The following ITPR2 variants were observed in gnomAD, a reference collection of about 807,000 sequenced individuals.
ITPR2 encodes inositol 1,4,5-trisphosphate receptor type 2.
A neutral mutation model predicts 317.1 loss-of-function variants in ITPR2; 207 were observed. The observed-to-expected ratio is 0.65, with a 90% CI of 0.58 to 0.73. The LOEUF (loss-of-function observed/expected upper bound fraction) is 0.73, where lower values mean the gene tolerates loss of function less well. Ranked by LOEUF, ITPR2 falls within the 30% of genes least tolerant of loss-of-function variation. The probability of loss-of-function intolerance (pLI) is 0.00; values close to 1 mark genes in which losing one functional copy is unlikely to be tolerated. For synonymous variants in ITPR2, 1,156 were observed against 1,149.1 expected (o/e 1.01, Z -0.12); for missense variants, 2,613 against 3,284.0 (o/e 0.80, Z 4.99).
intron 49 of ITPR2, among the ~76,000 whole-genome samples, chr12:26,426,540 A>G (rs1350110351): frequency 6.6e-6 from 1 of 152,126 alleles, no homozygotes; most frequent in African/African-American, 2.4e-5. Context: ...CCCTCAAGAA[A>G]CTTACAGAAT....
chr12:26,619,335 C>T (rs1285946292), intron 26 of ITPR2, among the ~76,000 whole-genome samples: 1 of 152,166 alleles, frequency 6.6e-6, no homozygotes, highest in African/African-American at 2.4e-5. Context: ...CTGTTGGTTG[C>T]TAACCAACAT....
chr12:26,387,338 C>A (rs1939695959), intron 55 of ITPR2, 96 bp downstream of exon 55: 1 of 1,166,436 alleles, frequency 8.6e-7, no homozygotes, highest in East Asian at 2.4e-5. Flanking sequence ...AAAATGATTG[C>A]TACAATCTTC....
chr12:26,663,919 G>A, intron 14 of ITPR2, 73 bp from the exon 15 acceptor site: 2 of 1,320,674 alleles, frequency 1.5e-6, no homozygotes, highest in Non-Finnish European at 1.0e-6. Context: ...TAACAAATAA[G>A]AACATTGATT....
chr12:26,584,633 G>A (rs762631058), intron 32 of ITPR2, among the ~76,000 whole-genome samples: 2 of 152,182 alleles, frequency 1.3e-5, no homozygotes, highest in Non-Finnish European at 2.9e-5. Context: ...CTATATCTGT[G>A]ATGTCCAATA....
intron 55 of ITPR2, among the ~76,000 whole-genome samples, chr12:26,364,406 T>A (rs1938939515): frequency 6.6e-6 from 1 of 152,210 alleles, no homozygotes; most frequent in South Asian, 2.1e-4. Context: ...TTATACATAG[T>A]ATAAATGAAT....
At chr12:26,443,514 G>T (rs1941537081) in intron 46 of ITPR2, 29 bp downstream of exon 46, 1 of 1,520,292 alleles carries the variant, frequency 6.6e-7, no homozygotes, top group Admixed American at 1.7e-5. Flanking sequence ...TTCACAGTTG[G>T]TCTCTTTCAA....
intron 47 of ITPR2, among the ~76,000 whole-genome samples, chr12:26,437,400 G>C (rs1166723690): frequency 6.6e-6 from 1 of 152,172 alleles, no homozygotes; most frequent in Non-Finnish European, 1.5e-5. Context: ...TCTTGGAAGG[G>C]AACATTCCAA....
intron 21 of ITPR2, among the ~76,000 whole-genome samples, chr12:26,635,600 T>C (rs1946848061): frequency 6.6e-6 from 1 of 152,230 alleles, no homozygotes; most frequent in African/African-American, 2.4e-5. Flanking sequence ...CCAAAAACTA[T>C]TATTTTCCCT....
At chr12:26,462,986 C>G (rs1403155495) in intron 45 of ITPR2, among the ~76,000 whole-genome samples, 1 of 152,102 alleles carries the variant, frequency 6.6e-6, no homozygotes, top group Non-Finnish European at 1.5e-5. Flanking sequence ...GTTAAGCTTT[C>G]TTCGTTTATG....
intron 37 of ITPR2, among the ~76,000 whole-genome samples, chr12:26,532,573 G>C (rs1160443037): frequency 6.6e-6 from 1 of 152,190 alleles, no homozygotes. Flanking sequence ...TTTTTGTAAA[G>C]TGTTGGGATC....
chr12:26,560,225 T>A (rs565614237), intron 35 of ITPR2, among the ~76,000 whole-genome samples: 12 of 152,288 alleles, frequency 7.9e-5, no homozygotes, highest in East Asian at 3.9e-4. Context: ...CCTCCTCCTT[T>A]CTGACCCACT....
intron 45 of ITPR2, among the ~76,000 whole-genome samples, chr12:26,448,547 G>A (rs1388890953): frequency 7.2e-5 from 11 of 152,050 alleles, no homozygotes; most frequent in Non-Finnish European, 1.5e-4. Context: ...AGAAAAACTA[G>A]GCCTGAGATA....
rs563605835 is a variant in ITPR2, at chr12:26,368,706, CATTT to C, written c.7857+18724_7857+18727del. Among the ~76,000 whole-genome samples the C allele has an allele frequency of 6.3e-4, 96 of 152,306 alleles. 2 individuals carry two copies. In the South Asian group the frequency reaches 0.013, roughly 20 times the overall value. ...TATCATTACTTATTTCTTGTTCATT[CATTT>C]GTTTATTCAGTCATTTATTCATTCA... On this transcript the variant is annotated intron_variant, in intron 55 of 56. Coordinates refer to ENST00000381340, the MANE Select transcript of ITPR2 (RefSeq NM_002223.4).
rs376531799 is a variant in ITPR2 at position 26,600,117 on chromosome 12, T to G, written c.3679-8A>C. On this transcript the variant is annotated splice_region_variant and splice_polypyrimidine_tract_variant and intron_variant, in intron 28 of 56. Coordinates refer to ENST00000381340, the MANE Select transcript of ITPR2 (RefSeq NM_002223.4). ...ATTCATCTTTTCATCATTCTGTAAG[T>G]TAAAGAATAGCACATGATAGAAACA... The G allele has an allele frequency of 3.9e-5, 62 of 1,605,488 alleles. No homozygotes were observed. The highest frequency in any genetic ancestry group is 4.8e-5 in the Non-Finnish European group (56 of 1,174,530).
At chr12:26,566,367 AGAG>A (rs1469438500) in intron 34 of ITPR2, among the ~76,000 whole-genome samples, 7 of 134,856 alleles carry the variant, frequency 5.2e-5, no homozygotes, top group African/African-American at 2.0e-4. Flanking sequence ...AAAGAGAAGG[AGAG>A]GAGAGGAGAG....
intron 2 of ITPR2, among the ~76,000 whole-genome samples, chr12:26,782,233 GGAGTTCTCATTA>G (rs1950110773): frequency 6.6e-6 from 1 of 151,564 alleles, no homozygotes; most frequent in African/African-American, 2.4e-5. Flanking sequence ...AAAAATGAGA[GGAGTTCTCATTA>G]GACAAAACTC....
chr12:26,559,796 TA>T (rs1944764343), intron 35 of ITPR2, among the ~76,000 whole-genome samples: 1 of 152,220 alleles, frequency 6.6e-6, no homozygotes, highest in Admixed American at 6.5e-5. Flanking sequence ...TTCCTTCCCA[TA>T]AAACTATCTG....
At chr12:26,386,572 A>G (rs1024514119) in intron 55 of ITPR2, among the ~76,000 whole-genome samples, 7 of 152,120 alleles carry the variant, frequency 4.6e-5, no homozygotes, top group African/African-American at 1.7e-4. Flanking sequence ...ATTGGTGCTT[A>G]TTAAGTGTTT....
chr12:26,527,682 T>G (rs1158399640), intron 37 of ITPR2, among the ~76,000 whole-genome samples: 2 of 152,204 alleles, frequency 1.3e-5, no homozygotes, highest in Non-Finnish European at 2.9e-5. Context: ...TGGTTTGTTA[T>G]TCATCAGATA....
Sources: gnomAD v4.1 joint callset for allele counts (sites outside exome capture counted in the v4.1 genomes callset) on GRCh38, gnomAD v4.1.1 for gene constraint, MANE v1.5 for transcripts, NCBI Gene and HGNC (gene_info 2026-07-23, HGNC 2026-07-21) for gene names.